The following MAPKAP1 variants were observed in gnomAD, a reference collection of about 807,000 sequenced individuals.
MAPKAP1 encodes target of rapamycin complex 2 subunit MAPKAP1.
MAPKAP1 carries 20 observed loss-of-function variants against 65.7 expected under a neutral mutation model. The ratio of observed to expected loss-of-function variants is 0.30; its 90% confidence interval spans 0.21 to 0.44. The LOEUF (loss-of-function observed/expected upper bound fraction) is 0.44, where lower values mean the gene tolerates loss of function less well. Among genes scored for constraint, MAPKAP1 ranks in the 20% least tolerant of loss-of-function variants. The pLI, the probability that MAPKAP1 is intolerant of heterozygous loss-of-function variation, is 1.00. For synonymous variants in MAPKAP1, 222 were observed against 244.3 expected, an observed-to-expected ratio of 0.91 and a Z score of 0.85; for missense variants, 423 against 648.0, an observed-to-expected ratio of 0.65 and a Z score of 3.77.
At chr9:125,592,684 C>T (rs2131593255) in intron 4 of MAPKAP1, among the ~76,000 whole-genome samples, 1 of 151,954 alleles carries the variant, frequency 6.6e-6, no homozygotes, top group Admixed American at 6.6e-5. Context: ...GCGGGCAGAT[C>T]ACGAGGTCAG....
chr9:125,658,137 G>C (rs925245182), intron 3 of MAPKAP1, among the ~76,000 whole-genome samples: 2 of 151,514 alleles, frequency 1.3e-5, no homozygotes, highest in African/African-American at 4.9e-5. Context: ...TGTGACAGTA[G>C]ACACTTCTCT....
In MAPKAP1 at chr9:125,687,454, T is replaced by C. The variant is rs555849597; in HGVS notation, c.-69-14811A>G. 1.2e-4 allele frequency among the ~76,000 whole-genome samples: 18 copies of C among 152,222 alleles called. No individual in the cohort carries two copies. The South Asian group carries it at 3.3e-3, about 28-fold the overall frequency. On this transcript the variant is annotated intron_variant, in intron 1 of 11. Coordinates refer to ENST00000265960, the MANE Select transcript of MAPKAP1 (RefSeq NM_001006617.3). ...TGAAATAGCCATAATATGTGTCCTA[T>C]TATCCACTTCACAGTGATGCTGCTA...
In MAPKAP1 at chr9:125,645,796, A is replaced by G. The variant is rs143081672; in HGVS notation, c.498+11855T>C. Among the ~76,000 whole-genome samples, 632 of 151,720 alleles carry G rather than the reference A, an allele frequency of 4.2e-3. 6 individuals are homozygous for G. The highest frequency in any genetic ancestry group is 0.015 in the African/African-American group (605 of 41,358). ...CTTGACATCCATATAGAATAAATGC[A>G]TTATAATCAACTCATGTGAGACAAT... On this transcript the variant is annotated intron_variant, in intron 4 of 11. Transcript: ENST00000265960.
chr9:125,534,839 A>G (rs1173418658), intron 7 of MAPKAP1, among the ~76,000 whole-genome samples: 1 of 151,950 alleles, frequency 6.6e-6, no homozygotes, highest in Admixed American at 6.6e-5. Flanking sequence ...TCAGCTTGGG[A>G]TGGTCTTCCC....
intron 4 of MAPKAP1, among the ~76,000 whole-genome samples, chr9:125,632,719 G>A (rs1359741497): frequency 6.6e-6 from 1 of 152,060 alleles, no homozygotes; most frequent in African/African-American, 2.4e-5. Flanking sequence ...TCTCATTCAG[G>A]TCCCTGACAG....
At chr9:125,552,281 C>T (rs1452854661) in intron 6 of MAPKAP1, among the ~76,000 whole-genome samples, 1 of 152,184 alleles carries the variant, frequency 6.6e-6, no homozygotes, top group Non-Finnish European at 1.5e-5. Context: ...AACAACAACT[C>T]TATCCAGGGG....
chr9:125,447,615 A>G lies in MAPKAP1; in HGVS notation c.1346-3017T>C, dbSNP rs1244816799. 1.2e-5 allele frequency: 5 copies of G among 405,172 alleles called. No homozygotes were observed. Among genetic ancestry groups the G allele is most frequent in the Non-Finnish European group, 2.5e-5 (5 of 199,806 alleles). 25.1% of individuals were successfully genotyped at this position (405,172 alleles called of 1,614,324 possible). A position where few individuals can be genotyped will look rare whatever the true frequency, so the allele number is the denominator to read the frequency against. The stretch of plus-strand genomic sequence containing the variant: ...AGCCCTGTTTCGCTGGGCGGCCAGA[A>G]GGGCAGTTTTCCTCAGTCTGGGCTC... On this transcript the variant is annotated intron_variant, in intron 10 of 11. Transcript: ENST00000265960. This position sits in a 1 kb window ranked among gnomAD's most constrained non-coding sequence, Gnocchi z 4.5.
intron 4 of MAPKAP1, among the ~76,000 whole-genome samples, chr9:125,638,216 C>G (rs1589368884): frequency 6.6e-6 from 1 of 152,246 alleles, no homozygotes; most frequent in Non-Finnish European, 1.5e-5. Flanking sequence ...ATCTGGCCAC[C>G]AATGAACAGG....
At chr9:125,469,550 C>T (rs1313354022) in intron 9 of MAPKAP1, among the ~76,000 whole-genome samples, 2 of 152,186 alleles carry the variant, frequency 1.3e-5, no homozygotes, top group Non-Finnish European at 2.9e-5. Context: ...AGACTACAGT[C>T]GAGGCTCCTC....
At chr9:125,525,469 T>C (rs1469149687) in intron 7 of MAPKAP1, among the ~76,000 whole-genome samples, 1 of 147,564 alleles carries the variant, frequency 6.8e-6, no homozygotes, top group South Asian at 2.2e-4. Flanking sequence ...AGGTCGGGGG[T>C]TCAAGACCAG....
chr9:125,657,552 A>G, intron 4 of MAPKAP1, 99 bp downstream of exon 4: 1 of 1,104,726 alleles, frequency 9.1e-7, no homozygotes. Flanking sequence ...CTGATATTCT[A>G]CAAAGCATTT....
intron 7 of MAPKAP1, among the ~76,000 whole-genome samples, chr9:125,533,295 G>A (rs370354345): frequency 1.3e-5 from 2 of 151,926 alleles, no homozygotes; most frequent in African/African-American, 4.8e-5. Flanking sequence ...AATACTAAAC[G>A]ACACTAAAGA....
rs146480033 is a variant in MAPKAP1 at position 125,519,652 on chromosome 9, TTA to T, written c.959-13237_959-13236del. Among the ~76,000 whole-genome samples, 751 of 141,656 alleles carry T rather than the reference TTA, an allele frequency of 5.3e-3. 6 individuals are homozygous for T. Among genetic ancestry groups the T allele is most frequent in the African/African-American group, 0.017 (658 of 39,198 alleles). The allele number at this position is 141,656 out of a possible 152,430, so 92.9% of individuals were successfully genotyped here. ...TAATATATATACATATATATGTCTT[TTA>T]TATATATATATATATATAATTTAAA... On this transcript the variant is annotated intron_variant, in intron 7 of 11. Transcript: ENST00000265960.
chr9:125,580,214 C>G (rs780762839), intron 5 of MAPKAP1, among the ~76,000 whole-genome samples: 1 of 152,208 alleles, frequency 6.6e-6, no homozygotes, highest in East Asian at 1.9e-4. Flanking sequence ...ATAAATCATG[C>G]TGCTATAAAG....
At chr9:125,673,340 C>T (rs946432976) in intron 1 of MAPKAP1, among the ~76,000 whole-genome samples, 1 of 152,136 alleles carries the variant, frequency 6.6e-6, no homozygotes, top group Non-Finnish European at 1.5e-5. Context: ...GATTCTCCGG[C>T]CTCAGCCTCC....
At chr9:125,572,628 G>A (rs115328199) in intron 5 of MAPKAP1, among the ~76,000 whole-genome samples, 1,666 of 152,252 alleles carry the variant, frequency 0.011, 38 homozygotes, top group African/African-American at 0.037. Context: ...CTGACTTGTG[G>A]TCAGAAGAAA....
At chr9:125,469,937 G>A (rs1217124842) in intron 9 of MAPKAP1, among the ~76,000 whole-genome samples, 1 of 152,126 alleles carries the variant, frequency 6.6e-6, no homozygotes, top group African/African-American at 2.4e-5. Context: ...GTGTGTGTGT[G>A]CATGTGTGTG....
intron 7 of MAPKAP1, among the ~76,000 whole-genome samples, chr9:125,524,595 T>C (rs566766424): frequency 7.2e-5 from 11 of 152,342 alleles, no homozygotes; most frequent in Non-Finnish European, 1.5e-4. Flanking sequence ...GTAAAAGCAA[T>C]GGGAAAAATG....
chr9:125,616,048 T>C (rs1236048371), intron 4 of MAPKAP1, among the ~76,000 whole-genome samples: 1 of 151,920 alleles, frequency 6.6e-6, no homozygotes, highest in East Asian at 1.9e-4. Flanking sequence ...AATAAACAAT[T>C]GAAACAGAAA....
Sources: gnomAD v4.1 joint callset for allele counts (sites outside exome capture counted in the v4.1 genomes callset) on GRCh38, gnomAD v4.1.1 for gene constraint, Gnocchi (gnomAD v3.1) non-coding constraint, MANE v1.5 for transcripts, NCBI Gene and HGNC (gene_info 2026-07-23, HGNC 2026-07-21) for gene names.